TTC29: variants seen among roughly 807,000 people sequenced by gnomAD.
TTC29 encodes tetratricopeptide repeat protein 29.
TTC29 carries 49 observed loss-of-function variants against 58.1 expected under a neutral mutation model. The ratio of observed to expected loss-of-function variants is 0.84; its 90% CI spans 0.67 to 1.07. TTC29 has a LOEUF of 1.07. Ranked by LOEUF, TTC29 falls within the 50% of genes least tolerant of loss-of-function variation. The pLI, the probability that TTC29 is intolerant of heterozygous loss-of-function variation, is 0.00. For missense variants in TTC29, 582 were observed against 555.6 expected (o/e 1.05, Z -0.48); for synonymous variants, 209 against 196.8 (o/e 1.06, Z -0.52).
At chr4:146,864,496 A>T (rs1730443535) in intron 8 of TTC29, among the ~76,000 whole-genome samples, 1 of 152,216 alleles carries the variant, frequency 6.6e-6, no homozygotes, top group East Asian at 1.9e-4. Context: ...TTATCACCCT[A>T]TGTATTAGTT....
chr4:146,852,558 C>A (rs1286893196), intron 8 of TTC29, among the ~76,000 whole-genome samples: 3 of 152,240 alleles, frequency 2.0e-5, no homozygotes, highest in African/African-American at 7.2e-5. Flanking sequence ...TGGCTGCATG[C>A]ATTTGGCTGC....
intron 11 of TTC29, among the ~76,000 whole-genome samples, chr4:146,778,927 C>A (rs1368959778): frequency 5.3e-5 from 7 of 132,724 alleles, no homozygotes; most frequent in African/African-American, 2.0e-4. Flanking sequence ...GACTTTACTG[C>A]TACCCAATAT....
intron 8 of TTC29, among the ~76,000 whole-genome samples, chr4:146,866,388 T>A: frequency 6.6e-6 from 1 of 152,194 alleles, no homozygotes; most frequent in East Asian, 1.9e-4. Flanking sequence ...TGGACTCTCA[T>A]GTTTTCTACA....
At chr4:146,707,925 T>C (rs1742099074) in intron 11 of TTC29, among the ~76,000 whole-genome samples, 1 of 152,076 alleles carries the variant, frequency 6.6e-6, no homozygotes, top group Non-Finnish European at 1.5e-5. Flanking sequence ...ATACTTTTTT[T>C]GGAGGAAGCA....
intron 6 of TTC29, among the ~76,000 whole-genome samples, chr4:146,890,892 C>T (rs1437303179): frequency 1.3e-5 from 2 of 152,054 alleles, no homozygotes; most frequent in South Asian, 4.1e-4. Context: ...CAGAGTTCAG[C>T]TCACATGGTT....
At chr4:146,754,605 G>C (rs1333753852) in intron 11 of TTC29, among the ~76,000 whole-genome samples, 1 of 152,062 alleles carries the variant, frequency 6.6e-6, no homozygotes, top group Non-Finnish European at 1.5e-5. Flanking sequence ...GGCATATAAG[G>C]CTGGTTTAAC....
At chr4:146,727,742 G>A (rs1199306538) in intron 11 of TTC29, among the ~76,000 whole-genome samples, 1 of 152,104 alleles carries the variant, frequency 6.6e-6, no homozygotes, top group African/African-American at 2.4e-5. Flanking sequence ...AATAAATTCA[G>A]CTACCGAAGA....
chr4:146,798,541 G>A (rs572208647), intron 11 of TTC29, among the ~76,000 whole-genome samples: 57 of 152,042 alleles, frequency 3.7e-4, no homozygotes, highest in Admixed American at 9.8e-4. Flanking sequence ...TTTGTGGGGA[G>A]AAAAACAACA....
chr4:146,927,080 CAAA>C (rs55786171), intron 4 of TTC29, among the ~76,000 whole-genome samples: 2 of 110,072 alleles, frequency 1.8e-5, no homozygotes, highest in Admixed American at 9.9e-5. Context: ...GACCCCATCT[CAAA>C]AAAAAAAAAA....
intron 11 of TTC29, among the ~76,000 whole-genome samples, chr4:146,718,618 T>C (rs1445663778): frequency 6.6e-6 from 1 of 152,200 alleles, no homozygotes; most frequent in Non-Finnish European, 1.5e-5. Flanking sequence ...TAATCCCTTA[T>C]CAGATGTATG....
chr4:146,820,079 C>G (rs747347042), intron 10 of TTC29, 46 bp downstream of exon 10: 21 of 1,604,560 alleles, frequency 1.3e-5, no homozygotes, highest in Non-Finnish European at 1.4e-5. Context: ...AAATTTCTCC[C>G]TAAACACCGC....
At chr4:146,910,022 AGAT>A (rs1300704576) in intron 4 of TTC29, among the ~76,000 whole-genome samples, 1 of 152,204 alleles carries the variant, frequency 6.6e-6, no homozygotes, top group Non-Finnish European at 1.5e-5. Flanking sequence ...CAGAATTGTG[AGAT>A]AATAGCTGTG....
intron 11 of TTC29, among the ~76,000 whole-genome samples, chr4:146,793,610 C>T (rs1175685812): frequency 6.6e-6 from 1 of 152,096 alleles, no homozygotes; most frequent in Non-Finnish European, 1.5e-5. Flanking sequence ...ACTGAACCCA[C>T]AATATCTCCA....
At chr4:146,841,000 ATAAAT>A (rs895562073) in intron 8 of TTC29, among the ~76,000 whole-genome samples, 142 of 152,322 alleles carry the variant, frequency 9.3e-4, no homozygotes, top group African/African-American at 3.0e-3. Context: ...GTTTCAACTG[ATAAAT>A]TAAAGAACAA....
chr4:146,874,857 C>T lies in TTC29; in HGVS notation c.658G>A (p.Glu220Lys). The part of the protein sequence containing the change: ...QLTQGRIWKD[E>K]TGRSLNLLAC... ...AACAAGTTGAGAGAGCGGCCTGTCT[C>T]ATCCTTCCATATCCGCCCCTGTGTC... The change falls in exon 7 of 13, where the codon GAG becomes AAG. Residue 220 changes from glutamate (E) to lysine (K), a missense_variant. Physicochemically the swap from Glu to Lys is moderately conservative, Grantham distance 56. Coordinates refer to ENST00000325106, the MANE Select transcript of TTC29 (RefSeq NM_031956.4). The T allele has an allele frequency of 6.2e-7, 1 of 1,613,510 alleles. No individual in the cohort carries two copies. Among genetic ancestry groups the T allele is most frequent in the Admixed American group, 1.7e-5 (1 of 59,972 alleles).
intron 4 of TTC29, among the ~76,000 whole-genome samples, chr4:146,909,954 A>G (rs1424371450): frequency 6.6e-6 from 1 of 152,174 alleles, no homozygotes; most frequent in Non-Finnish European, 1.5e-5. Flanking sequence ...TGACTAACAA[A>G]TAAGTAAGCA....
chr4:146,821,075 C>T (rs574609385), intron 9 of TTC29, among the ~76,000 whole-genome samples: 6 of 150,774 alleles, frequency 4.0e-5, no homozygotes, highest in Non-Finnish European at 5.9e-5. Context: ...ATGGATGAAA[C>T]TTGAAAATAT....
At chr4:146,779,997 G>A (rs1244850157) in intron 11 of TTC29, among the ~76,000 whole-genome samples, 1 of 152,038 alleles carries the variant, frequency 6.6e-6, no homozygotes, top group Non-Finnish European at 1.5e-5. Context: ...CCCAATCTTA[G>A]TAATGACATT....
At chr4:146,861,846 G>A (rs865907050) in intron 8 of TTC29, among the ~76,000 whole-genome samples, 204 of 152,134 alleles carry the variant, frequency 1.3e-3, no homozygotes, top group African/African-American at 4.7e-3. Context: ...AAAATTATGA[G>A]AGGTAGAAGT....
Sources: allele counts gnomAD v4.1 joint callset (sites outside exome capture counted in the v4.1 genomes callset), GRCh38; gene constraint gnomAD v4.1.1; transcripts MANE v1.5; gene names NCBI Gene and HGNC (gene_info 2026-07-23, HGNC 2026-07-21).